The following HEPHL1 variants were observed in gnomAD, a reference collection of about 807,000 sequenced individuals.
The protein encoded by HEPHL1 is ferroxidase HEPHL1.
In HEPHL1, 123 loss-of-function variants were observed where a neutral mutation model predicts 122.0. The observed-to-expected ratio is 1.01, with a 90% CI of 0.87 to 1.17. HEPHL1 has a LOEUF of 1.17. HEPHL1 is among the 50% of genes most tolerant of loss of function. The pLI, the probability that HEPHL1 is intolerant of heterozygous loss-of-function variation, is 0.00. For missense variants in HEPHL1, 1,452 were observed against 1,430.5 expected (o/e 1.01, Z -0.24); for synonymous variants, 527 against 508.9 (o/e 1.04, Z -0.48).
rs79010705 is a variant in HEPHL1, at chr11:94,090,103, T to C, written c.2294+1135T>C. Among the ~76,000 whole-genome samples, 986 of 151,968 alleles carry C rather than the reference T, an allele frequency of 6.5e-3. 5 individuals are homozygous for C. The highest frequency in any genetic ancestry group is 0.022 in the African/African-American group (918 of 41,288). On this transcript the variant is annotated intron_variant, in intron 12 of 19. Coordinates refer to ENST00000315765, the MANE Select transcript of HEPHL1 (RefSeq NM_001098672.2). ...AAGAGATTATAATGGTTCTACCTTCTGGATACTTTTTTTTTTAAGATTTCC... is the reference window on the plus strand; with the variant it reads ...AAGAGATTATAATGGTTCTACCTTCCGGATACTTTTTTTTTTAAGATTTCC...
At chr11:94,104,316 T>A (rs531844921) in intron 15 of HEPHL1, among the ~76,000 whole-genome samples, 43 of 152,038 alleles carry the variant, frequency 2.8e-4, no homozygotes, top group Non-Finnish European at 5.6e-4. Context: ...CCACGGAAAA[T>A]CACTGAAGAC....
chr11:94,108,130 T>A (rs1305034411), intron 17 of HEPHL1, among the ~76,000 whole-genome samples: 1 of 152,172 alleles, frequency 6.6e-6, no homozygotes, highest in Non-Finnish European at 1.5e-5. Flanking sequence ...CTCATTGTTT[T>A]TCATTTACAT....
chr11:94,062,036 G>A (rs989549284), intron 2 of HEPHL1, among the ~76,000 whole-genome samples: 3 of 151,990 alleles, frequency 2.0e-5, no homozygotes, highest in Admixed American at 6.6e-5. Flanking sequence ...ATATGAATGG[G>A]CTGTAACTAA....
Position 94,086,078 on chromosome 11 carries a change from C to T in HEPHL1, c.1969C>T (p.His657Tyr). The change falls in exon 11 of 20, where the codon CAT (histidine) becomes TAT (tyrosine). Residue 657 changes from histidine (H) to tyrosine (Y), a missense_variant. Physicochemically the swap from His to Tyr is moderately conservative, Grantham distance 83. Coordinates refer to ENST00000315765, the MANE Select transcript of HEPHL1 (RefSeq NM_001098672.2). ...LIGLGTDTDMHGIVFQGNTIH... is the reference protein window; with the variant it reads ...LIGLGTDTDMYGIVFQGNTIH... Reference sequence around the variant, plus strand: ...TGGATTGGGCACTGACACTGACATGCATGGAATTGTTTTTCAAGGGAACAC... The same window carrying T: ...TGGATTGGGCACTGACACTGACATGTATGGAATTGTTTTTCAAGGGAACAC... The T allele has an allele frequency of 2.5e-6, 4 of 1,613,734 alleles. No individual in the cohort carries two copies. Among genetic ancestry groups the T allele is most frequent in the Non-Finnish European group, 3.4e-6 (4 of 1,179,728 alleles).
At chr11:94,030,229 G>C (rs1445463578) in intron 1 of HEPHL1, among the ~76,000 whole-genome samples, 1 of 152,192 alleles carries the variant, frequency 6.6e-6, no homozygotes, top group Non-Finnish European at 1.5e-5. Flanking sequence ...GTGACCCATT[G>C]TCAGCTATAA....
At chr11:94,047,057 A>C (rs539122334) in intron 2 of HEPHL1, among the ~76,000 whole-genome samples, 1 of 152,216 alleles carries the variant, frequency 6.6e-6, no homozygotes, top group East Asian at 1.9e-4. Context: ...TGGTGAACAC[A>C]CAACTGGGAT....
chr11:94,049,735 T>C (rs1945874242), intron 2 of HEPHL1, among the ~76,000 whole-genome samples: 1 of 152,164 alleles, frequency 6.6e-6, no homozygotes, highest in Non-Finnish European at 1.5e-5. Context: ...TCTTGATTAC[T>C]GTGAAATTCT....
At chr11:94,077,643 A>T (rs1354988812) in intron 9 of HEPHL1, among the ~76,000 whole-genome samples, 1 of 152,246 alleles carries the variant, frequency 6.6e-6, no homozygotes, top group African/African-American at 2.4e-5. Flanking sequence ...TCTAAAGTGC[A>T]AATGAGATCA....
At chr11:94,068,915 G>A (rs1168684748) in intron 5 of HEPHL1, among the ~76,000 whole-genome samples, 1 of 152,158 alleles carries the variant, frequency 6.6e-6, no homozygotes. Flanking sequence ...GCTCAGGGCT[G>A]CTTTTGTAAC....
In HEPHL1 at chr11:94,110,980, C is replaced by T. The variant is rs770585375; in HGVS notation, c.3123C>T (p.His1041=). ...AAACCATTGAACTGTTTGCAGATCACCCAGGGACATGGCTGCTACACTGTC... is the reference window on the plus strand; with the variant it reads ...AAACCATTGAACTGTTTGCAGATCATCCAGGGACATGGCTGCTACACTGTC... The part of the protein sequence containing the change: ...TFQTIELFAD[H]PGTWLLHCHV... Residue 1041 remains histidine, a synonymous_variant, in exon 18 of 20, where the codon CAC becomes CAT. Coordinates refer to ENST00000315765, the MANE Select transcript of HEPHL1 (RefSeq NM_001098672.2). 7.4e-6 allele frequency: 12 copies of T among 1,612,414 alleles called. No homozygotes were observed. The South Asian group carries it at 1.1e-4, about 15-fold the overall frequency.
chr11:94,022,409 T>A (rs978902828), intron 1 of HEPHL1, among the ~76,000 whole-genome samples: 52 of 152,226 alleles, frequency 3.4e-4, no homozygotes, highest in African/African-American at 1.3e-3. Context: ...CAGAACCAGT[T>A]GCATTCTGCA....
At chr11:94,056,657 T>TCTC (rs3060401) in intron 2 of HEPHL1, among the ~76,000 whole-genome samples, 1 of 111,804 alleles carries the variant, frequency 8.9e-6, no homozygotes, top group Non-Finnish European at 2.0e-5. Flanking sequence ...CTATTATTGA[T>TCTC]TATCTATCTA....
At chr11:94,109,125 G>T (rs990255489) in intron 17 of HEPHL1, among the ~76,000 whole-genome samples, 3 of 152,076 alleles carry the variant, frequency 2.0e-5, no homozygotes, top group African/African-American at 7.2e-5. Context: ...TTTGGTAATA[G>T]TGTAAATGAT....
chr11:94,063,750 GA>G (rs1330905128), intron 3 of HEPHL1, 30 bp downstream of exon 3: 1 of 1,571,008 alleles, frequency 6.4e-7, no homozygotes, highest in East Asian at 2.2e-5. Flanking sequence ...GGTAACTAGG[GA>G]GTTGAAATGT....
At chr11:94,059,939 C>A (rs936374226) in intron 2 of HEPHL1, among the ~76,000 whole-genome samples, 3 of 151,722 alleles carry the variant, frequency 2.0e-5, no homozygotes, top group African/African-American at 7.3e-5. Flanking sequence ...ATCGAAACTT[C>A]GAGACAAGTC....
In HEPHL1 at chr11:94,082,460, G is replaced by A. The variant is rs1319020725; in HGVS notation, c.1759G>A (p.Asp587Asn). 6.2e-7 allele frequency: 1 copy of A among 1,612,522 alleles called. No homozygotes were observed. Among genetic ancestry groups the A allele is most frequent in the African/African-American group, 1.3e-5 (1 of 75,002 alleles). The change falls in exon 10 of 20, where the codon GAT becomes AAT. Residue 587 changes from aspartate to asparagine, a missense_variant. By Grantham distance (23) the Asp-to-Asn change is conservative (BLOSUM62 1). Coordinates refer to ENST00000315765, the MANE Select transcript of HEPHL1 (RefSeq NM_001098672.2). ...GTTTTACCTACTGTTCACAGTCTTT[G>A]ATGAGAATCTGAGCAGATATTTTGA... ...KEFYLLFTVF[D>N]ENLSRYFDEN... is the part of the protein sequence containing the mutation.
Position 94,073,109 on chromosome 11 carries a change from A to T in HEPHL1, c.1317A>T (p.Ala439=), listed in dbSNP as rs1353412093. 1 of 1,613,212 alleles carries T rather than the reference A, an allele frequency of 6.2e-7. No homozygotes were observed. Among genetic ancestry groups the T allele is most frequent in the African/African-American group, 1.3e-5 (1 of 74,994 alleles). Residue 439 remains alanine, a synonymous_variant, in exon 7 of 20, where the codon GCA becomes GCT. Transcript: ENST00000315765. ...TTCGGTATACTGAATTTGTTGATGC[A>T]ACTTTTACTAAAAGAAAGAGACTCT... ...WKVRYTEFVD[A]TFTKRKRLSA... is the part of the protein sequence containing the mutation.
At chr11:94,083,862 T>C (rs903993187) in intron 10 of HEPHL1, among the ~76,000 whole-genome samples, 1 of 152,010 alleles carries the variant, frequency 6.6e-6, no homozygotes, top group Non-Finnish European at 1.5e-5. Context: ...GAAATTAAGG[T>C]GGAAATAAGG....
intron 9 of HEPHL1, among the ~76,000 whole-genome samples, chr11:94,076,452 G>T (rs2945637): frequency 0.5 from 76,080 of 151,848 alleles, 19,357 homozygotes; most frequent in East Asian, 0.66. Flanking sequence ...CCAAGGAGAT[G>T]TAGTGCCAGA....
Sources: allele counts gnomAD v4.1 joint callset (sites outside exome capture counted in the v4.1 genomes callset), GRCh38; gene constraint gnomAD v4.1.1; transcripts MANE v1.5; gene names NCBI Gene and HGNC (gene_info 2026-07-23, HGNC 2026-07-21).